NKAIN2: variants seen among roughly 807,000 people sequenced by gnomAD.
NKAIN2 encodes the protein sodium/potassium transporting ATPase interacting 2, also known as sodium/potassium-transporting ATPase subunit beta-1-interacting protein 2.
Under a neutral mutation model 32.6 loss-of-function variants are expected in NKAIN2, and 14 were observed. The observed-to-expected ratio is 0.43, with a 90% CI of 0.28 to 0.67. NKAIN2 has a LOEUF of 0.67. NKAIN2 is among the 30% of genes least tolerant of loss of function. The pLI is 0.17. For missense variants in NKAIN2, 198 were observed against 258.3 expected (o/e 0.77, Z 1.60); for synonymous variants, 80 against 87.2 (o/e 0.92, Z 0.46).
At chr6:124,685,254 T>C (rs1773812832) in intron 4 of NKAIN2, among the ~76,000 whole-genome samples, 1 of 152,132 alleles carries the variant, frequency 6.6e-6, no homozygotes, top group Non-Finnish European at 1.5e-5. Flanking sequence ...TTAAAAAAAT[T>C]TTCTACCTAT....
At position 124,232,906 on chromosome 6, in the gene NKAIN2, A is replaced by G. The variant is rs955815291; in HGVS notation, c.55-50099A>G. Among the ~76,000 whole-genome samples, 9 of 152,328 alleles carry G rather than the reference A, an allele frequency of 5.9e-5. No homozygotes were observed. In the East Asian group the frequency reaches 1.7e-3, roughly 29 times the overall value. On this transcript the variant is annotated intron_variant, in intron 1 of 6. Coordinates refer to ENST00000368417, the MANE Select transcript of NKAIN2 (RefSeq NM_001040214.3). ...AACCCCCCAACCTTGTAAGTAATTT[A>G]TGAAAACTTATGTTATTCGGTAAAA...
chr6:124,781,180 A>T (rs71561824), intron 4 of NKAIN2, among the ~76,000 whole-genome samples: 255 of 152,106 alleles, frequency 1.7e-3, no homozygotes, highest in Non-Finnish European at 2.8e-3. Context: ...TTTTGGATAA[A>T]CTAAGAAGAC....
At chr6:124,421,682 A>G (rs939847764) in intron 3 of NKAIN2, among the ~76,000 whole-genome samples, 6 of 152,164 alleles carry the variant, frequency 3.9e-5, no homozygotes, top group Non-Finnish European at 7.3e-5. Context: ...TGAGTTCACA[A>G]TAAGGGTAGC....
chr6:124,721,471 T>C (rs1322992631), intron 4 of NKAIN2, among the ~76,000 whole-genome samples: 1 of 152,008 alleles, frequency 6.6e-6, no homozygotes, highest in Non-Finnish European at 1.5e-5. Flanking sequence ...ACAAATTCAC[T>C]TTCTGATGCA....
At chr6:123,911,269 T>A (rs1171025321) in intron 1 of NKAIN2, among the ~76,000 whole-genome samples, 3 of 152,168 alleles carry the variant, frequency 2.0e-5, no homozygotes, top group Non-Finnish European at 4.4e-5. Context: ...TTTATTTGGC[T>A]CATGCTTCTG....
At chr6:124,286,949 T>G (rs1795585288) in intron 2 of NKAIN2, among the ~76,000 whole-genome samples, 1 of 152,140 alleles carries the variant, frequency 6.6e-6, no homozygotes, top group African/African-American at 2.4e-5. Context: ...CCCAAAGTGC[T>G]GAGATTACAG....
intron 1 of NKAIN2, among the ~76,000 whole-genome samples, chr6:124,281,529 T>C (rs1002471093): frequency 1.3e-5 from 2 of 152,198 alleles, no homozygotes; most frequent in African/African-American, 4.8e-5. Flanking sequence ...CATTCCACTA[T>C]TGAGACTCTG....
intron 5 of NKAIN2, among the ~76,000 whole-genome samples, chr6:124,798,392 TATGA>T (rs1367294333): frequency 1.3e-5 from 2 of 151,794 alleles, no homozygotes; most frequent in Non-Finnish European, 3.0e-5. Context: ...ACATTTGTCT[TATGA>T]ATTTGATGGT....
chr6:124,816,389 A>G (rs1186168173), intron 5 of NKAIN2, among the ~76,000 whole-genome samples: 1 of 152,182 alleles, frequency 6.6e-6, no homozygotes, highest in East Asian at 1.9e-4. Flanking sequence ...CATAGAATGT[A>G]CAACACCAAG....
chr6:124,500,665 C>CAAATAAATAAAT (rs748045761), intron 3 of NKAIN2, among the ~76,000 whole-genome samples: 1 of 150,848 alleles, frequency 6.6e-6, no homozygotes, highest in African/African-American at 2.4e-5. Context: ...ATCAATCAAT[C>CAAATAAATAAAT]AAATAAATAA....
intron 4 of NKAIN2, among the ~76,000 whole-genome samples, chr6:124,702,013 A>G (rs547097445): frequency 3.3e-5 from 5 of 152,240 alleles, no homozygotes; most frequent in Non-Finnish European, 7.4e-5. Context: ...GACTTTGGAC[A>G]TGGCTACAGT....
At chr6:124,443,181 T>C (rs1775760535) in intron 3 of NKAIN2, among the ~76,000 whole-genome samples, 1 of 152,114 alleles carries the variant, frequency 6.6e-6, no homozygotes, top group Non-Finnish European at 1.5e-5. Context: ...GGCTCCTCAA[T>C]TTTTATTGGG....
intron 4 of NKAIN2, among the ~76,000 whole-genome samples, chr6:124,785,518 A>G (rs1779460517): frequency 6.6e-6 from 1 of 152,078 alleles, no homozygotes; most frequent in Admixed American, 6.6e-5. Context: ...TCTTAATTAA[A>G]CCTTTCATTT....
chr6:124,574,399 CCTG>C (rs1781251232), intron 3 of NKAIN2, among the ~76,000 whole-genome samples: 1 of 152,008 alleles, frequency 6.6e-6, no homozygotes, highest in South Asian at 2.1e-4. Flanking sequence ...AGGCTGATCA[CCTG>C]AGGTCAGGAG....
intron 4 of NKAIN2, among the ~76,000 whole-genome samples, chr6:124,696,586 C>G (rs1296940309): frequency 2.0e-5 from 3 of 152,052 alleles, no homozygotes; most frequent in Non-Finnish European, 2.9e-5. Context: ...CTTGTGCTAT[C>G]ATCATGGGAA....
At chr6:124,706,820 T>A (rs979344081) in intron 4 of NKAIN2, among the ~76,000 whole-genome samples, 8 of 152,138 alleles carry the variant, frequency 5.3e-5, no homozygotes, top group African/African-American at 1.9e-4. Context: ...TAAAGGATGT[T>A]TTCTTTATTT....
chr6:123,965,189 CTG>C (rs1342412407), intron 1 of NKAIN2, among the ~76,000 whole-genome samples: 1 of 152,082 alleles, frequency 6.6e-6, no homozygotes, highest in African/African-American at 2.4e-5. Flanking sequence ...CTTGTTAGCT[CTG>C]TAGTTACGGA....
intron 1 of NKAIN2, among the ~76,000 whole-genome samples, chr6:124,041,970 G>A (rs772474803): frequency 6.6e-6 from 1 of 152,022 alleles, no homozygotes; most frequent in Non-Finnish European, 1.5e-5. Context: ...TCCTTAGGGG[G>A]ACAAACTGAT....
At chr6:124,434,623 T>C (rs906450032) in intron 3 of NKAIN2, among the ~76,000 whole-genome samples, 3 of 152,340 alleles carry the variant, frequency 2.0e-5, no homozygotes, top group Admixed American at 6.5e-5. Flanking sequence ...TGCCACTACA[T>C]AGGCAGATTG....
Sources: gnomAD v4.1 joint callset for allele counts (sites outside exome capture counted in the v4.1 genomes callset) on GRCh38, gnomAD v4.1.1 for gene constraint, MANE v1.5 for transcripts, NCBI Gene and HGNC (gene_info 2026-07-23, HGNC 2026-07-21) for gene names.